FOXP1: variants seen among roughly 807,000 people sequenced by gnomAD.
FOXP1 encodes forkhead box P1.
FOXP1 carries 15 observed loss-of-function variants against 98.2 expected under a neutral mutation model. The observed-to-expected ratio is 0.15, with a 90% CI of 0.10 to 0.24. FOXP1 has a LOEUF of 0.24. Among genes scored for constraint, FOXP1 ranks in the 10% least tolerant of loss-of-function variants. The pLI is 1.00. For synonymous variants in FOXP1, 371 were observed against 314.5 expected (o/e 1.18, Z -1.90); for missense variants, 633 against 848.5 (o/e 0.75, Z 3.15).
chr3:71,211,460 C>T (rs973491979), intron 5 of FOXP1, among the ~76,000 whole-genome samples: 2 of 152,252 alleles, frequency 1.3e-5, no homozygotes, highest in African/African-American at 4.8e-5. Flanking sequence ...CCCCCCTTGG[C>T]CTCCTAAAGT....
At chr3:71,075,618 TG>T (rs937806944) in intron 7 of FOXP1, among the ~76,000 whole-genome samples, 2 of 152,172 alleles carry the variant, frequency 1.3e-5, no homozygotes, top group African/African-American at 4.8e-5. Context: ...TAGGTTGTGG[TG>T]TGCTACATAC....
intron 4 of FOXP1, among the ~76,000 whole-genome samples, chr3:71,329,557 G>A (rs1461465459): frequency 6.7e-6 from 1 of 148,738 alleles, no homozygotes; most frequent in Non-Finnish European, 1.5e-5. Flanking sequence ...ACACAGGGTT[G>A]TCCCAGGGCA....
At chr3:71,470,851 T>C (rs1464235427) in intron 3 of FOXP1, among the ~76,000 whole-genome samples, 4 of 152,236 alleles carry the variant, frequency 2.6e-5, no homozygotes, top group Admixed American at 6.5e-5. Context: ...TAGTCTTGAA[T>C]GGCATAAGCT....
At chr3:70,996,438 AT>A (rs767475809) in intron 13 of FOXP1, among the ~76,000 whole-genome samples, 2 of 152,202 alleles carry the variant, frequency 1.3e-5, no homozygotes, top group East Asian at 1.9e-4. Context: ...TTTCAGTTTA[AT>A]TCAAGTTTGG....
intron 7 of FOXP1, among the ~76,000 whole-genome samples, chr3:71,073,004 T>C (rs1056883808): frequency 1.3e-5 from 2 of 152,240 alleles, no homozygotes; most frequent in Non-Finnish European, 2.9e-5. Flanking sequence ...TTTTTATTAT[T>C]TCAAATGGCA....
At chr3:71,370,798 G>GTT (rs71621937) in intron 3 of FOXP1, among the ~76,000 whole-genome samples, 3,556 of 128,358 alleles carry the variant, frequency 0.028, 146 homozygotes, top group African/African-American at 0.083. Flanking sequence ...TTTTTTTGTT[G>GTT]TTTTTTTTTT....
At chr3:71,494,724 C>G (rs756233804) in intron 2 of FOXP1, among the ~76,000 whole-genome samples, 9 of 152,162 alleles carry the variant, frequency 5.9e-5, no homozygotes, top group Non-Finnish European at 1.3e-4. Flanking sequence ...CTCTGATTCA[C>G]TAGATCTGGA....
intron 7 of FOXP1, among the ~76,000 whole-genome samples, chr3:71,082,017 G>A (rs1446806954): frequency 4.6e-5 from 7 of 152,224 alleles, no homozygotes; most frequent in South Asian, 2.1e-4. Context: ...GGTGGCTCAC[G>A]CCTGTAATCC....
Position 70,979,967 on chromosome 3 carries a change from T to A in FOXP1, c.1147-1938A>T, listed in dbSNP as rs73838124. 9.8e-3 allele frequency among the ~76,000 whole-genome samples: 1,499 copies of A among 152,184 alleles called. 26 individuals carry two copies. Among genetic ancestry groups the A allele is most frequent in the African/African-American group, 0.035 (1,454 of 41,508 alleles). On this transcript the variant is annotated intron_variant, in intron 14 of 20. Coordinates refer to ENST00000649528, the MANE Select transcript of FOXP1 (RefSeq NM_001349338.3). ...TTGAGTTGTGCTTTCCTTTTTATTT[T>A]CAGCGTAGAATGTTGTCTCGGTGAG...
intron 11 of FOXP1, among the ~76,000 whole-genome samples, chr3:71,022,981 C>T (rs1457304352): frequency 6.6e-6 from 1 of 152,094 alleles, no homozygotes; most frequent in African/African-American, 2.4e-5. Flanking sequence ...TTGCTATTCC[C>T]CTCTCACTCA....
chr3:71,572,760 C>T (rs957671271), intron 2 of FOXP1: 2 of 152,214 alleles, frequency 1.3e-5, no homozygotes, highest in Non-Finnish European at 2.9e-5. Flanking sequence ...GAACCAGCAG[C>T]GTCTTCTCTC....
intron 5 of FOXP1, among the ~76,000 whole-genome samples, chr3:71,214,504 A>G (rs747882553): frequency 6.6e-6 from 1 of 151,990 alleles, no homozygotes; most frequent in Non-Finnish European, 1.5e-5. Context: ...TCAACTAAAC[A>G]CCCAAAGAAA....
chr3:71,365,476 C>G (rs1449328644), intron 3 of FOXP1, among the ~76,000 whole-genome samples: 2 of 149,974 alleles, frequency 1.3e-5, no homozygotes, highest in Non-Finnish European at 1.5e-5. Context: ...AAAGCTGAAG[C>G]TTTTTCTCAT....
At chr3:71,434,759 G>C (rs891092685) in intron 3 of FOXP1, among the ~76,000 whole-genome samples, 4 of 151,886 alleles carry the variant, frequency 2.6e-5, no homozygotes, top group Non-Finnish European at 5.9e-5. Context: ...AAAGGTAATA[G>C]AGTAGAGGTG....
intron 7 of FOXP1, among the ~76,000 whole-genome samples, chr3:71,101,752 A>G (rs2056983903): frequency 1.3e-5 from 2 of 151,940 alleles, no homozygotes. Flanking sequence ...GCAGCAAAAG[A>G]AGGAGCTAGA....
chr3:71,544,087 T>C (rs2045148862), intron 2 of FOXP1, among the ~76,000 whole-genome samples: 1 of 151,626 alleles, frequency 6.6e-6, no homozygotes, highest in South Asian at 2.1e-4. Context: ...ATGTGTGTAT[T>C]TCTATTACTT....
At chr3:71,458,587 C>G (rs866571499) in intron 3 of FOXP1, among the ~76,000 whole-genome samples, 38 of 152,180 alleles carry the variant, frequency 2.5e-4, no homozygotes, top group Admixed American at 6.5e-4. Flanking sequence ...AGCAAAATAA[C>G]AGAATATAGC....
intron 6 of FOXP1, among the ~76,000 whole-genome samples, chr3:71,133,022 T>C (rs1052036798): frequency 6.6e-6 from 1 of 152,092 alleles, no homozygotes; most frequent in Non-Finnish European, 1.5e-5. Context: ...TTTCAACACT[T>C]ACTCCAAACA....
chr3:71,282,197 G>A (rs1184114595), intron 5 of FOXP1, among the ~76,000 whole-genome samples: 1 of 152,110 alleles, frequency 6.6e-6, no homozygotes, highest in Non-Finnish European at 1.5e-5. Flanking sequence ...CGTAAGAAAT[G>A]AGCAGAAGAG....
Sources: gnomAD v4.1 joint callset for allele counts (sites outside exome capture counted in the v4.1 genomes callset) on GRCh38, gnomAD v4.1.1 for gene constraint, MANE v1.5 for transcripts, NCBI Gene and HGNC (gene_info 2026-07-23, HGNC 2026-07-21) for gene names.